POLN: variants seen among roughly 807,000 people sequenced by gnomAD.
POLN encodes the protein DNA polymerase N.
In POLN, 108 loss-of-function variants were observed where a neutral mutation model predicts 113.5. The ratio of observed to expected loss-of-function variants is 0.95; its 90% CI spans 0.81 to 1.12. The LOEUF is 1.12. Among genes scored for constraint, POLN ranks in the 50% most tolerant of loss-of-function variants. The pLI is 0.00. For missense variants in POLN, 1,097 were observed against 1,077.1 expected, an observed-to-expected ratio of 1.02 and a Z score of -0.26; for synonymous variants, 386 against 391.5, an observed-to-expected ratio of 0.99 and a Z score of 0.17.
At chr4:2,113,859 A>AAAT (rs150255371) in intron 19 of POLN, among the ~76,000 whole-genome samples, 9,899 of 139,936 alleles carry the variant, frequency 0.071, 363 homozygotes, top group Middle Eastern at 0.11. Flanking sequence ...CTCCATTTCA[A>AAAT]AATAATAATA....
At chr4:2,123,741 G>A (rs1731508405) in intron 19 of POLN, among the ~76,000 whole-genome samples, 1 of 151,622 alleles carries the variant, frequency 6.6e-6, no homozygotes, top group East Asian at 1.9e-4. Flanking sequence ...GGAGGCAGAG[G>A]TTGCAGTGAG....
At chr4:2,086,983 C>T (rs1308035977) in intron 20 of POLN, among the ~76,000 whole-genome samples, 1 of 152,222 alleles carries the variant, frequency 6.6e-6, no homozygotes, top group Non-Finnish European at 1.5e-5. Context: ...AGCCAGGCCA[C>T]TCCTGGCCCT....
chr4:2,161,959 T>A (rs565731051), intron 13 of POLN, among the ~76,000 whole-genome samples: 1 of 152,082 alleles, frequency 6.6e-6, no homozygotes, highest in Non-Finnish European at 1.5e-5. Flanking sequence ...GGTGGGGATA[T>A]GGAGAACCTT....
At chr4:2,173,363 C>T (rs11944403) in intron 11 of POLN, among the ~76,000 whole-genome samples, 2 of 152,144 alleles carry the variant, frequency 1.3e-5, no homozygotes, top group East Asian at 1.9e-4. Flanking sequence ...GTGGTGGTCA[C>T]GTCAGGGTAT....
chr4:2,123,198 C>T (rs1731491132), intron 19 of POLN, among the ~76,000 whole-genome samples: 1 of 151,702 alleles, frequency 6.6e-6, no homozygotes, highest in South Asian at 2.1e-4. Flanking sequence ...CCAAACCAAA[C>T]CAAACCTCAG....
rs1166369298 is a variant in POLN, at chr4:2,105,843, ATGATGG to A, written c.1983-9916_1983-9911del. Among the ~76,000 whole-genome samples the A allele has an allele frequency of 1.1e-3, 163 of 151,644 alleles. 3 individuals carry two copies. The highest frequency in any genetic ancestry group is 3.4e-3 in the Middle Eastern group (1 of 294). On this transcript the variant is annotated intron_variant, in intron 19 of 25. Transcript: ENST00000511885. ...GATGATGATGATGATGATGATGATG[ATGATGG>A]TGATGATAAAATGGACCATGGGATT...
At chr4:2,186,114 C>T (rs1477957077) in intron 7 of POLN, among the ~76,000 whole-genome samples, 1 of 152,198 alleles carries the variant, frequency 6.6e-6, no homozygotes, top group African/African-American at 2.4e-5. Context: ...TGTCCCTTCC[C>T]CAATCTGCCA....
Position 2,093,702 on chromosome 4 carries a change from A to G in POLN, c.2065+2149T>C, listed in dbSNP as rs968933187. ...CCAGGGAGGTTCAGGGGTGCAGCAC[A>G]GAAGAGGCTGAGAGGAGGCAGTGGA... On this transcript the variant is annotated intron_variant, in intron 20 of 25. Transcript: ENST00000511885. This position sits in a 1 kb window ranked among gnomAD's most constrained non-coding sequence, Gnocchi z 4.1. 6.6e-6 allele frequency among the ~76,000 whole-genome samples: 1 copy of G among 152,238 alleles called. No individual in the cohort carries two copies. Among genetic ancestry groups the G allele is most frequent in the Non-Finnish European group, 1.5e-5 (1 of 68,038 alleles).
chr4:2,080,095 G>A (rs1463434858), intron 23 of POLN: 7 of 985,410 alleles, frequency 7.1e-6, no homozygotes, highest in East Asian at 1.1e-4. Context: ...GGGGCCCTTC[G>A]GGGACTGACA....
chr4:2,103,729 A>C (rs774694147), intron 19 of POLN, among the ~76,000 whole-genome samples: 5 of 152,218 alleles, frequency 3.3e-5, no homozygotes, highest in African/African-American at 4.8e-5. Context: ...GTCATCTATA[A>C]AGGAAACCCC....
chr4:2,161,417 G>A (rs917611153), intron 13 of POLN, among the ~76,000 whole-genome samples: 1 of 152,262 alleles, frequency 6.6e-6, no homozygotes, highest in African/African-American at 2.4e-5. Context: ...ACCCAGGCCA[G>A]CGGCTGCGGA....
At chr4:2,086,561 G>C (rs1730555596) in intron 20 of POLN, among the ~76,000 whole-genome samples, 1 of 152,182 alleles carries the variant, frequency 6.6e-6, no homozygotes, top group Non-Finnish European at 1.5e-5. Context: ...GCAGTGTGTG[G>C]TTTCTACTTG....
At chr4:2,101,384 C>G (rs1016462819) in intron 19 of POLN, among the ~76,000 whole-genome samples, 2 of 152,054 alleles carry the variant, frequency 1.3e-5, no homozygotes, top group Admixed American at 6.5e-5. Context: ...CACAGCAGTT[C>G]AACAGAAAAG....
intron 19 of POLN, among the ~76,000 whole-genome samples, chr4:2,113,392 T>C (rs909134557): frequency 5.9e-5 from 9 of 151,730 alleles, no homozygotes; most frequent in Non-Finnish European, 1.2e-4. Flanking sequence ...ATAATAATAA[T>C]AATAATAAAA....
rs1732445537 is a variant in POLN at position 2,156,834 on chromosome 4, C to T, written c.1685G>A (p.Trp562Ter). Residue 562 changes from tryptophan to a stop codon, truncating the protein, a stop_gained, in exon 16 of 26, where the codon TGG (tryptophan) becomes TAG (stop). Coordinates refer to ENST00000511885, the MANE Select transcript of POLN (RefSeq NM_181808.4). LOFTEE classifies it high-confidence loss of function. The stretch of plus-strand genomic sequence containing the variant: ...TCCAGTCACAGTTCCAGTCTGATTC[C>T]ATGTAGAGGAAATGGAGCCCTTTAT... ...CMKKGSISST[W>*]NQTGTVTGRL... The T allele has an allele frequency of 1.9e-6, 3 of 1,612,582 alleles. No individual in the cohort carries two copies. Among genetic ancestry groups the T allele is most frequent in the South Asian group, 1.1e-5 (1 of 91,050 alleles).
At chr4:2,098,914 G>A (rs978563075) in intron 19 of POLN, among the ~76,000 whole-genome samples, 6 of 56,730 alleles carry the variant, frequency 1.1e-4, no homozygotes, top group Non-Finnish European at 2.0e-4. Flanking sequence ...ATGCACGTGC[G>A]TGCGCACACA....
intron 19 of POLN, among the ~76,000 whole-genome samples, chr4:2,125,824 G>A (rs1430442865): frequency 6.6e-6 from 1 of 152,334 alleles, no homozygotes; most frequent in Middle Eastern, 3.4e-3. Context: ...GACTGGCTAA[G>A]TGACAGACCT....
At chr4:2,083,800 T>A (rs1310843404) in intron 21 of POLN, among the ~76,000 whole-genome samples, 1 of 152,272 alleles carries the variant, frequency 6.6e-6, no homozygotes, top group African/African-American at 2.4e-5. Context: ...GCCCCACTGA[T>A]GCCACCTGGC....
intron 6 of POLN, among the ~76,000 whole-genome samples, chr4:2,194,923 T>C (rs1733538116): frequency 6.6e-6 from 1 of 151,984 alleles, no homozygotes; most frequent in African/African-American, 2.4e-5. Context: ...TATTTATGTA[T>C]ATGTATATAC....
Sources: allele counts gnomAD v4.1 joint callset (sites outside exome capture counted in the v4.1 genomes callset), GRCh38; gene constraint gnomAD v4.1.1; non-coding constraint Gnocchi (gnomAD v3.1); transcripts MANE v1.5; gene names NCBI Gene and HGNC (gene_info 2026-07-23, HGNC 2026-07-21).